ADGRB3: variants seen among roughly 807,000 people sequenced by gnomAD.
The protein encoded by ADGRB3 is adhesion G protein-coupled receptor B3, also known as brain-specific angiogenesis inhibitor 3.
Under a neutral mutation model 193.4 loss-of-function variants are expected in ADGRB3, and 37 were observed. That is an observed-to-expected ratio of 0.19 (90% confidence interval 0.15 to 0.25). The LOEUF (loss-of-function observed/expected upper bound fraction) is 0.25. ADGRB3 is among the 10% of genes least tolerant of loss of function. ADGRB3 has a pLI of 1.00. For missense variants in ADGRB3, 1,637 were observed against 1,852.9 expected, an observed-to-expected ratio of 0.88 and a Z score of 2.14; for synonymous variants, 690 against 644.2, an observed-to-expected ratio of 1.07 and a Z score of -1.08.
chr6:69,069,553 CA>C (rs57616226), intron 16 of ADGRB3, among the ~76,000 whole-genome samples: 76 of 31,776 alleles, frequency 2.4e-3, no homozygotes, highest in African/African-American at 4.5e-3. Flanking sequence ...ACTAAAAATA[CA>C]AAAAAAAAAA....
chr6:69,358,855 A>C lies in ADGRB3; in HGVS notation c.3596-2014A>C, dbSNP rs899941146. ...TACATTTTAAGTAAGTCTAAGAGGC[A>C]GGCATTTCTCTCGTATAGAGCAGCC... On this transcript the variant is annotated intron_variant, in intron 28 of 31. Coordinates refer to ENST00000370598, the MANE Select transcript of ADGRB3 (RefSeq NM_001704.3). Among the ~76,000 whole-genome samples, 6 of 151,996 alleles carry C rather than the reference A, an allele frequency of 3.9e-5. No individual in the cohort carries two copies. The South Asian group carries it at 1.2e-3, about 32-fold the overall frequency.
chr6:69,124,229 T>A (rs1047545505), intron 17 of ADGRB3, among the ~76,000 whole-genome samples: 1 of 152,200 alleles, frequency 6.6e-6, no homozygotes, highest in Admixed American at 6.5e-5. Flanking sequence ...GATTCTGATC[T>A]TTTTGTGTCC....
At chr6:68,944,015 G>A (rs766415405) in intron 6 of ADGRB3, 21 bp downstream of exon 6, 5 of 1,578,696 alleles carry the variant, frequency 3.2e-6, no homozygotes, top group Non-Finnish European at 4.3e-6. Context: ...TCTGCATTTG[G>A]TTATGTTTGC....
At chr6:69,056,637 G>GT (rs1003251406) in intron 15 of ADGRB3, among the ~76,000 whole-genome samples, 2 of 152,032 alleles carry the variant, frequency 1.3e-5, no homozygotes, top group Non-Finnish European at 2.9e-5. Flanking sequence ...ATTTTATGTT[G>GT]TTTTTTATAT....
chr6:68,651,042 A>T (rs1043322966), intron 3 of ADGRB3, among the ~76,000 whole-genome samples: 1 of 152,316 alleles, frequency 6.6e-6, no homozygotes, highest in East Asian at 1.9e-4. Flanking sequence ...TTTACTTTAT[A>T]TAATCTTTCC....
Position 69,344,995 on chromosome 6 carries a change from A to AT in ADGRB3, c.3459+5505dup, listed in dbSNP as rs539371545. Among the ~76,000 whole-genome samples the AT allele has an allele frequency of 9.3e-3, 1,337 of 144,512 alleles. 14 individuals carry two copies. Among genetic ancestry groups the AT allele is most frequent in the African/African-American group, 0.024 (964 of 39,608 alleles). 94.8% of individuals were successfully genotyped at this position (144,512 alleles called of 152,430 possible). On this transcript the variant is annotated intron_variant, in intron 26 of 31. Coordinates refer to ENST00000370598, the MANE Select transcript of ADGRB3 (RefSeq NM_001704.3). ...AATTATGTGATCCTGGACCCTAGTG[A>AT]TTTTTTTTTTTTTTAGAAAGCTATG...
intron 26 of ADGRB3, among the ~76,000 whole-genome samples, chr6:69,344,584 T>A (rs1769045531): frequency 6.6e-6 from 1 of 152,148 alleles, no homozygotes; most frequent in Non-Finnish European, 1.5e-5. Context: ...ATGAAATAAC[T>A]AGACAACAAT....
intron 17 of ADGRB3, among the ~76,000 whole-genome samples, chr6:69,182,579 C>A (rs1775616502): frequency 6.6e-6 from 1 of 152,024 alleles, no homozygotes; most frequent in South Asian, 2.1e-4. Context: ...AGACTCTAAT[C>A]TTTGCTGAGA....
At chr6:69,118,299 G>A (rs187666677) in intron 17 of ADGRB3, among the ~76,000 whole-genome samples, 6 of 152,174 alleles carry the variant, frequency 3.9e-5, no homozygotes, top group Non-Finnish European at 5.9e-5. Flanking sequence ...TTTTGTTGTT[G>A]TCAGTGTCAA....
intron 3 of ADGRB3, among the ~76,000 whole-genome samples, chr6:68,807,454 A>G (rs1439156721): frequency 1.3e-5 from 2 of 151,322 alleles, no homozygotes; most frequent in Non-Finnish European, 2.9e-5. Context: ...GTTAGCCAGG[A>G]TGGTCTCGAT....
rs189215670 is a variant in ADGRB3 at position 68,910,997 on chromosome 6, A to C, written c.758-19562A>C. Reference sequence around the variant, plus strand: ...ATTGAAACTATAAATTACCTTGGGCAGTATGGCCATTTTCATGATATTGAT... The same window carrying C: ...ATTGAAACTATAAATTACCTTGGGCCGTATGGCCATTTTCATGATATTGAT... On this transcript the variant is annotated intron_variant, in intron 3 of 31. Coordinates refer to ENST00000370598, the MANE Select transcript of ADGRB3 (RefSeq NM_001704.3). 4.4e-4 allele frequency among the ~76,000 whole-genome samples: 67 copies of C among 152,236 alleles called. No homozygotes were observed. The South Asian group carries it at 1.0e-2, about 23-fold the overall frequency.
At chr6:69,324,817 T>C (rs1028437297) in intron 20 of ADGRB3, 55 bp from the exon 21 acceptor site, 29 of 1,577,714 alleles carry the variant, frequency 1.8e-5, no homozygotes, top group East Asian at 2.2e-5. Flanking sequence ...GAAGAACATA[T>C]CATTTTCCCT....
chr6:69,375,125 T>C (rs1562003204), intron 30 of ADGRB3, among the ~76,000 whole-genome samples: 1 of 152,140 alleles, frequency 6.6e-6, no homozygotes, highest in South Asian at 2.1e-4. Context: ...CCATGCCTTA[T>C]AGTCCAGGAG....
rs1414215046 is a variant in ADGRB3, at chr6:69,050,247, A to G, written c.2333+901A>G. Among the ~76,000 whole-genome samples, 4 of 152,288 alleles carry G rather than the reference A, an allele frequency of 2.6e-5. No homozygotes were observed. In the East Asian group the frequency reaches 7.7e-4, roughly 29 times the overall value. On this transcript the variant is annotated intron_variant, in intron 15 of 31. Transcript: ENST00000370598. ...AGATGAAAAAAAAATCACCCAAGGA[A>G]GCAGCAGTGATTAGGCTTGAATCTT... is the stretch of plus-strand genomic sequence containing the variant.
intron 3 of ADGRB3, among the ~76,000 whole-genome samples, chr6:68,917,036 A>C (rs1408370685): frequency 6.6e-6 from 1 of 152,208 alleles, no homozygotes; most frequent in African/African-American, 2.4e-5. Flanking sequence ...AGCAGTTAGG[A>C]GACCATTACA....
At chr6:69,263,323 G>A (rs904103181) in intron 20 of ADGRB3, among the ~76,000 whole-genome samples, 2 of 151,962 alleles carry the variant, frequency 1.3e-5, no homozygotes, top group African/African-American at 4.8e-5. Context: ...TATATAATTG[G>A]TGATGATACA....
At chr6:69,339,238 G>T in intron 25 of ADGRB3, 95 bp from the exon 26 acceptor site, 9 of 1,439,302 alleles carry the variant, frequency 6.3e-6, no homozygotes, top group Non-Finnish European at 8.5e-6. Context: ...AATGGTCTTG[G>T]AACCACATAC....
chr6:69,269,350 A>T (rs1475416381), intron 20 of ADGRB3, among the ~76,000 whole-genome samples: 1 of 152,180 alleles, frequency 6.6e-6, no homozygotes, highest in Non-Finnish European at 1.5e-5. Flanking sequence ...AACATTAAAA[A>T]TTTCAAACAT....
At chr6:68,883,706 G>A (rs981508084) in intron 3 of ADGRB3, among the ~76,000 whole-genome samples, 5 of 152,222 alleles carry the variant, frequency 3.3e-5, no homozygotes, top group Middle Eastern at 3.4e-3. Context: ...CCCACCAGAA[G>A]GAAGAAACTC....
Sources: allele counts gnomAD v4.1 joint callset (sites outside exome capture counted in the v4.1 genomes callset), GRCh38; gene constraint gnomAD v4.1.1; transcripts MANE v1.5; gene names NCBI Gene and HGNC (gene_info 2026-07-23, HGNC 2026-07-21).